The following DLG2 variants were observed in gnomAD, a reference collection of about 807,000 sequenced individuals.
The protein encoded by DLG2 is disks large homolog 2.
Under a neutral mutation model 132.5 loss-of-function variants are expected in DLG2, and 45 were observed. The ratio of observed to expected loss-of-function variants is 0.34; its 90% CI spans 0.27 to 0.44. DLG2 has a LOEUF of 0.44. Among genes scored for constraint, DLG2 ranks in the 20% least tolerant of loss-of-function variants. DLG2 has a pLI of 1.00. For missense variants in DLG2, 1,045 were observed against 1,196.9 expected, an observed-to-expected ratio of 0.87 and a Z score of 1.87; for synonymous variants, 424 against 419.6, an observed-to-expected ratio of 1.01 and a Z score of -0.13.
chr11:84,187,693 TA>T (rs1398133014), intron 8 of DLG2, among the ~76,000 whole-genome samples: 1 of 151,792 alleles, frequency 6.6e-6, no homozygotes, highest in Non-Finnish European at 1.5e-5. Context: ...GATTTTAGGA[TA>T]AAAAAAATAA....
intron 6 of DLG2, among the ~76,000 whole-genome samples, chr11:85,009,293 TG>T (rs2058953250): frequency 6.6e-6 from 1 of 152,064 alleles, no homozygotes; most frequent in African/African-American, 2.4e-5. Flanking sequence ...TAAAATTCAG[TG>T]ATACCAAATA....
chr11:83,684,469 C>G (rs1257928143), intron 18 of DLG2: 1 of 152,164 alleles, frequency 6.6e-6, no homozygotes, highest in Non-Finnish European at 1.5e-5. Flanking sequence ...GAGCGTCTTA[C>G]TAGAAGGTCT....
intron 15 of DLG2, among the ~76,000 whole-genome samples, chr11:83,884,298 A>G (rs1358645839): frequency 1.3e-5 from 2 of 152,206 alleles, no homozygotes; most frequent in Non-Finnish European, 2.9e-5. Context: ...TATATCCCGC[A>G]TCTGGCTCGG....
intron 21 of DLG2, among the ~76,000 whole-genome samples, chr11:83,520,162 A>G (rs1256487337): frequency 6.6e-6 from 1 of 152,252 alleles, no homozygotes; most frequent in Non-Finnish European, 1.5e-5. Context: ...GGCGAATGGC[A>G]TATCTGCAAA....
intron 16 of DLG2, among the ~76,000 whole-genome samples, chr11:83,857,444 A>G (rs1416096110): frequency 6.6e-6 from 1 of 152,214 alleles, no homozygotes; most frequent in Non-Finnish European, 1.5e-5. Context: ...CTTCCTATCC[A>G]TGAACATGGA....
At chr11:85,416,758 T>G (rs1464364938) in intron 3 of DLG2, among the ~76,000 whole-genome samples, 1 of 152,188 alleles carries the variant, frequency 6.6e-6, no homozygotes, top group Non-Finnish European at 1.5e-5. Flanking sequence ...ATTGTTGGTG[T>G]GTAGAAATGC....
At chr11:84,522,443 G>C (rs1406619484) in intron 7 of DLG2, among the ~76,000 whole-genome samples, 3 of 152,134 alleles carry the variant, frequency 2.0e-5, no homozygotes, top group African/African-American at 7.2e-5. Flanking sequence ...ACTGTCTCTT[G>C]AATGCATTTT....
At chr11:84,920,661 T>C (rs879800711) in intron 6 of DLG2, among the ~76,000 whole-genome samples, 1 of 152,066 alleles carries the variant, frequency 6.6e-6, no homozygotes, top group Non-Finnish European at 1.5e-5. Context: ...AAAATTGTAA[T>C]AGATGAATGA....
intron 6 of DLG2, among the ~76,000 whole-genome samples, chr11:84,844,995 C>T (rs922346900): frequency 6.6e-6 from 1 of 152,070 alleles, no homozygotes; most frequent in African/African-American, 2.4e-5. Context: ...TAAGATAGAA[C>T]TTCCACAGAA....
intron 7 of DLG2, among the ~76,000 whole-genome samples, chr11:84,378,664 C>T (rs1278502488): frequency 2.0e-5 from 3 of 151,882 alleles, no homozygotes; most frequent in Non-Finnish European, 4.4e-5. Flanking sequence ...GGCGCGGTGG[C>T]TCACACCTGT....
chr11:84,792,694 C>A (rs927461077), intron 6 of DLG2, among the ~76,000 whole-genome samples: 1 of 151,942 alleles, frequency 6.6e-6, no homozygotes, highest in Admixed American at 6.6e-5. Flanking sequence ...TCTAGATTTA[C>A]CAGTTTATTG....
chr11:83,994,421 A>G (rs1488912917), intron 11 of DLG2, among the ~76,000 whole-genome samples: 2 of 152,160 alleles, frequency 1.3e-5, no homozygotes, highest in Non-Finnish European at 2.9e-5. Context: ...TTTAAAAGAC[A>G]GGGGTCTATG....
At chr11:84,149,465 G>A (rs2095217726) in intron 9 of DLG2, among the ~76,000 whole-genome samples, 1 of 152,028 alleles carries the variant, frequency 6.6e-6, no homozygotes, top group Non-Finnish European at 1.5e-5. Context: ...ACCATTAATT[G>A]AATAGGGAAC....
At chr11:84,453,866 T>C (rs2099058228) in intron 7 of DLG2, among the ~76,000 whole-genome samples, 1 of 151,518 alleles carries the variant, frequency 6.6e-6, no homozygotes. Flanking sequence ...TGGAGGAGGG[T>C]CTGTAGCCTC....
intron 6 of DLG2, among the ~76,000 whole-genome samples, chr11:84,870,888 C>G (rs1201341623): frequency 6.6e-6 from 1 of 152,126 alleles, no homozygotes; most frequent in Non-Finnish European, 1.5e-5. Context: ...AAAAACCAAA[C>G]AAACAAAAAC....
At chr11:84,529,678 T>A (rs551656385) in intron 7 of DLG2, among the ~76,000 whole-genome samples, 11 of 152,356 alleles carry the variant, frequency 7.2e-5, no homozygotes, top group Non-Finnish European at 1.5e-4. Flanking sequence ...TCTGTGCTCA[T>A]GGATAGGAAG....
At chr11:84,879,534 A>G (rs940112284) in intron 6 of DLG2, among the ~76,000 whole-genome samples, 1 of 152,098 alleles carries the variant, frequency 6.6e-6, no homozygotes, top group African/African-American at 2.4e-5. Context: ...AATGATGAAG[A>G]TGTCAAGAGA....
chr11:83,691,686 A>G (rs141500858), intron 18 of DLG2, among the ~76,000 whole-genome samples: 278 of 152,224 alleles, frequency 1.8e-3, no homozygotes, highest in Middle Eastern at 3.4e-3. Flanking sequence ...CCGATAGAAG[A>G]TACTCTGCAT....
chr11:84,521,450 G>A (rs918268769), intron 7 of DLG2, among the ~76,000 whole-genome samples: 11 of 152,198 alleles, frequency 7.2e-5, no homozygotes, highest in African/African-American at 2.7e-4. Context: ...CATAACAGCT[G>A]TGATTCTTAG....
Sources: gnomAD v4.1 joint callset for allele counts (sites outside exome capture counted in the v4.1 genomes callset) on GRCh38, gnomAD v4.1.1 for gene constraint, MANE v1.5 for transcripts, NCBI Gene and HGNC (gene_info 2026-07-23, HGNC 2026-07-21) for gene names.